Variants in PCNX4 observed in about 807,000 individuals in gnomAD.
PCNX4 encodes the protein pecanex 4.
Under a neutral mutation model 107.2 loss-of-function variants are expected in PCNX4, and 103 were observed. That is an observed-to-expected ratio of 0.96 (90% CI 0.82 to 1.13). The LOEUF is 1.13. Ranked by LOEUF, PCNX4 falls within the 50% of genes most tolerant of loss-of-function variation. PCNX4 has a pLI of 0.00. For missense variants in PCNX4, 1,528 were observed against 1,379.4 expected, an observed-to-expected ratio of 1.11 and a Z score of -1.71; for synonymous variants, 541 against 481.7, an observed-to-expected ratio of 1.12 and a Z score of -1.61.
Position 60,107,956 on chromosome 14 carries a change from C to CAA in PCNX4, c.319_320insAA (p.Thr107LysfsTer5). 1 of 1,612,808 alleles carries CAA rather than the reference C, an allele frequency of 6.2e-7. No individual in the cohort carries two copies. Among genetic ancestry groups the CAA allele is most frequent in the Non-Finnish European group, 8.5e-7 (1 of 1,179,862 alleles). On this transcript the variant is annotated frameshift_variant, in exon 2 of 11. Transcript: ENST00000406854. LOFTEE classifies it high-confidence loss of function. ...CAACAACAGTAGAAAGAATACTAAC[C>CAA]ACGGATATCTTAGCAGAGGAGGATG...
rs557382999 is a variant in PCNX4 at position 60,122,367 on chromosome 14, C to T, written c.2046+1068C>T. ...AGCCAGGCTCTAAATGGCTAGGCTT[C>T]CTATTCCCTCTTTGGCCTTTATTGC... On this transcript the variant is annotated intron_variant, in intron 8 of 10. Coordinates refer to ENST00000406854, the MANE Select transcript of PCNX4 (RefSeq NM_001330177.2). 2.6e-4 allele frequency among the ~76,000 whole-genome samples: 40 copies of T among 151,344 alleles called. No individual in the cohort carries two copies. The South Asian group carries it at 4.0e-3, about 15-fold the overall frequency.
At chr14:60,123,673 A>G (rs1241426406) in intron 8 of PCNX4, among the ~76,000 whole-genome samples, 1 of 152,136 alleles carries the variant, frequency 6.6e-6, no homozygotes, top group Non-Finnish European at 1.5e-5. Context: ...TGTACCAGAT[A>G]CTGGTTTAGG....
chr14:60,098,140 C>T (rs1272628500), intron 1 of PCNX4, among the ~76,000 whole-genome samples: 3 of 152,136 alleles, frequency 2.0e-5, no homozygotes, highest in Non-Finnish European at 2.9e-5. Flanking sequence ...AAACCCCTCC[C>T]GGACCAGAGA....
At chr14:60,114,586 G>T in intron 2 of PCNX4, 114 bp from the exon 3 acceptor site, 1 of 724,014 alleles carries the variant, frequency 1.4e-6, no homozygotes, top group Non-Finnish European at 2.1e-6. Flanking sequence ...TGGTGTGTGT[G>T]TGTGGTTTTT....
chr14:60,112,948 C>A (rs939881961), intron 2 of PCNX4, among the ~76,000 whole-genome samples: 8 of 152,194 alleles, frequency 5.3e-5, no homozygotes, highest in Non-Finnish European at 1.0e-4. Context: ...CTTTGGGAGG[C>A]CGAGGCAGGC....
chr14:60,114,444 A>G (rs1895800207), intron 2 of PCNX4, among the ~76,000 whole-genome samples: 1 of 152,144 alleles, frequency 6.6e-6, no homozygotes, highest in African/African-American at 2.4e-5. Context: ...CCTCCTTTGC[A>G]CATTTGAATT....
rs1896353821 is a variant in PCNX4 at position 60,144,742 on chromosome 14, G to C, written c.*10521G>C. ...CATATGTGCTAAAGTATTTTAAAAG[G>C]TTATTTTATCCAAGAATATAGTATG... On this transcript the variant is annotated 3_prime_UTR_variant, in exon 11 of 11. Coordinates refer to ENST00000406854, the MANE Select transcript of PCNX4 (RefSeq NM_001330177.2). 2.1e-6 allele frequency: 1 copy of C among 481,796 alleles called. No individual in the cohort carries two copies. The allele number at this position is 481,796 out of a possible 1,614,324, so 29.8% of individuals were successfully genotyped here.
chr14:60,099,254 T>G (rs947789825), intron 1 of PCNX4, among the ~76,000 whole-genome samples: 1 of 152,190 alleles, frequency 6.6e-6, no homozygotes, highest in African/African-American at 2.4e-5. Flanking sequence ...GTATAAAATT[T>G]TCCGTTTTCC....
At position 60,138,990 on chromosome 14, in the gene PCNX4, AAG is replaced by A. The variant is rs1051310824; in HGVS notation, c.*4770_*4771del. The A allele has an allele frequency of 2.2e-5, 3 of 135,774 alleles. No homozygotes were observed. The highest frequency in any genetic ancestry group is 2.1e-4 in the Admixed American group (3 of 14,462). 8.4% of individuals were successfully genotyped at this position (135,774 alleles called of 1,614,324 possible). The stretch of plus-strand genomic sequence containing the variant: ...GGGTAACCACTAAAAGAACAGCAAA[AAG>A]CAAAATAAAACAATCGTAGAACTAC... On this transcript the variant is annotated 3_prime_UTR_variant, in exon 11 of 11. Coordinates refer to ENST00000406854, the MANE Select transcript of PCNX4 (RefSeq NM_001330177.2).
chr14:60,122,952 T>C (rs1216260285), intron 8 of PCNX4, among the ~76,000 whole-genome samples: 7 of 152,114 alleles, frequency 4.6e-5, no homozygotes, highest in African/African-American at 7.2e-5. Context: ...TGAGAACTTG[T>C]TAGAAGTGGA....
At chr14:60,094,687 C>T (rs983060674) in intron 1 of PCNX4, among the ~76,000 whole-genome samples, 2 of 151,776 alleles carry the variant, frequency 1.3e-5, no homozygotes, top group African/African-American at 2.4e-5. Context: ...AGCCTGTGAA[C>T]GGCAGTGGGC....
Position 60,124,771 on chromosome 14 carries a change from C to T in PCNX4, c.2600C>T (p.Thr867Ile). 1 of 1,613,268 alleles carries T rather than the reference C, an allele frequency of 6.2e-7. No individual in the cohort carries two copies. The highest frequency in any genetic ancestry group is 8.5e-7 in the Non-Finnish European group (1 of 1,179,782). The change falls in exon 9 of 11, where the codon ACA becomes ATA. Residue 867 changes from threonine (T) to isoleucine (I), a missense_variant. Thr to Ile is a moderately conservative substitution (Grantham distance 89, BLOSUM62 -1). Transcript: ENST00000406854. The part of the protein sequence containing the change: ...VESQRVGDHS[T>I]GTVPENDLYK... ...TCACAGAGGGTTGGTGATCATTCTA[C>T]AGGCACTGTTCCTGAAAACGATCTT...
At chr14:60,123,829 A>G (rs914306721) in intron 8 of PCNX4, among the ~76,000 whole-genome samples, 7 of 152,154 alleles carry the variant, frequency 4.6e-5, no homozygotes, top group East Asian at 1.9e-4. Flanking sequence ...TGGAAAGCAT[A>G]TAATACTACT....
intron 1 of PCNX4, among the ~76,000 whole-genome samples, chr14:60,093,764 T>C (rs1895361963): frequency 6.6e-6 from 1 of 152,216 alleles, no homozygotes; most frequent in South Asian, 2.1e-4. Flanking sequence ...GAGGAACTGC[T>C]AGACTGTTTC....
Position 60,104,092 on chromosome 14 carries a change from G to A in PCNX4, c.-53-3494G>A, listed in dbSNP as rs181720247. Among the ~76,000 whole-genome samples the A allele has an allele frequency of 1.6e-4, 25 of 152,152 alleles. No homozygotes were observed. In the East Asian group the frequency reaches 2.1e-3, roughly 13 times the overall value. Reference sequence around the variant, plus strand: ...TTCCAGCATTTTGAGAGGCCGAGGCGGGCAGATCATGAGGTCAGGAGTTCA... The same window carrying A: ...TTCCAGCATTTTGAGAGGCCGAGGCAGGCAGATCATGAGGTCAGGAGTTCA... On this transcript the variant is annotated intron_variant, in intron 1 of 10. Coordinates refer to ENST00000406854, the MANE Select transcript of PCNX4 (RefSeq NM_001330177.2).
At chr14:60,133,830 A>G in intron 10 of PCNX4, 140 bp from the exon 11 acceptor site, 1 of 789,034 alleles carries the variant, frequency 1.3e-6, no homozygotes, top group Non-Finnish European at 2.0e-6. Context: ...ACATTTTTAA[A>G]CACTACTTTC....
In PCNX4 at chr14:60,108,021, A is replaced by T. The variant is rs749582720; in HGVS notation, c.383A>T (p.Lys128Ile). 12 of 1,612,750 alleles carry T rather than the reference A, an allele frequency of 7.4e-6. No individual in the cohort carries two copies. Among genetic ancestry groups the T allele is most frequent in the Non-Finnish European group, 9.3e-6 (11 of 1,179,878 alleles). The change falls in exon 2 of 11, where the codon AAA becomes ATA. Residue 128 changes from lysine to isoleucine, a missense_variant. Transcript: ENST00000406854. Reference sequence around the variant, plus strand: ...AGTTGTACTGGTGCTGAGACTGTCAAATTTCTCATTCCTGGCAAGAAATAT... The same window carrying T: ...AGTTGTACTGGTGCTGAGACTGTCATATTTCTCATTCCTGGCAAGAAATAT... ...FTSCTGAETV[K>I]FLIPGKKYVA... is the part of the protein sequence containing the mutation.
In PCNX4 at chr14:60,134,114, A is replaced by T. The variant is rs1359669958; in HGVS notation, c.3412A>T (p.Ile1138Leu). The T allele has an allele frequency of 6.2e-7, 1 of 1,613,904 alleles. No individual in the cohort carries two copies. The highest frequency in any genetic ancestry group is 2.2e-5 in the East Asian group (1 of 44,874). Residue 1138 changes from isoleucine to leucine, a missense_variant, in exon 11 of 11, where the codon ATA becomes TTA. Ile to Leu is a conservative substitution (Grantham distance 5, BLOSUM62 2). Transcript: ENST00000406854. ...ATNDDEERYS[I>L]QAHPLLLRNL... is the part of the protein sequence containing the mutation. ...AAACGATGATGAAGAACGTTATAGT[A>T]TACAAGCTCATCCACTACTTTTAAG...
chr14:60,134,331 G>A lies in PCNX4; in HGVS notation c.*110G>A. ...GACTTCTCCACACCCCCATTCAGAT[G>A]CCTGAGAACAGCTAAGCTCCGTAAA... is the stretch of plus-strand genomic sequence containing the variant. On this transcript the variant is annotated 3_prime_UTR_variant, in exon 11 of 11. Transcript: ENST00000406854. The A allele has an allele frequency of 2.2e-6, 3 of 1,336,052 alleles. No individual in the cohort carries two copies. Among genetic ancestry groups the A allele is most frequent in the Non-Finnish European group, 3.1e-6 (3 of 970,514 alleles). The allele number at this position is 1,336,052 out of a possible 1,614,324, so 82.8% of individuals were successfully genotyped here. A position where few individuals can be genotyped will look rare whatever the true frequency, so the allele number is the denominator to read the frequency against.
Sources: allele counts gnomAD v4.1 joint callset (sites outside exome capture counted in the v4.1 genomes callset), GRCh38; gene constraint gnomAD v4.1.1; transcripts MANE v1.5; gene names NCBI Gene and HGNC (gene_info 2026-07-23, HGNC 2026-07-21).